The following NFYA variants were observed in gnomAD, a reference collection of about 807,000 sequenced individuals.
The protein encoded by NFYA is nuclear transcription factor Y subunit alpha.
A neutral mutation model predicts 52.8 loss-of-function variants in NFYA; 28 were observed. The ratio of observed to expected loss-of-function variants is 0.53; its 90% confidence interval spans 0.39 to 0.73. The LOEUF (loss-of-function observed/expected upper bound fraction) is 0.73, where lower values mean the gene tolerates loss of function less well. Ranked by LOEUF, NFYA falls within the 30% of genes least tolerant of loss-of-function variation. NFYA has a pLI of 0.00. For missense variants in NFYA, 234 were observed against 427.0 expected, an observed-to-expected ratio of 0.55 and a Z score of 3.98; for synonymous variants, 150 against 150.7, an observed-to-expected ratio of 1.00 and a Z score of 0.03.
At position 41,098,805 on chromosome 6, in the gene NFYA, T is replaced by TC. The variant is rs1397259402; in HGVS notation, c.*1396dup. The TC allele has an allele frequency of 1.3e-5, 2 of 152,662 alleles. No individual in the cohort carries two copies. The highest frequency in any genetic ancestry group is 2.9e-5 in the Non-Finnish European group (2 of 68,062). 9.5% of individuals were successfully genotyped at this position (152,662 alleles called of 1,614,324 possible). A position where few individuals can be genotyped will look rare whatever the true frequency, so the allele number is the denominator to read the frequency against. On this transcript the variant is annotated 3_prime_UTR_variant, in exon 10 of 10. Transcript: ENST00000341376. The stretch of plus-strand genomic sequence containing the variant: ...GACTGAAAGAAACATGCCTGCAGGG[T>TC]CAGGAACTGGGCCACTGTTCCCAGA...
At position 41,101,645 on chromosome 6, in the gene NFYA, T is replaced by C. The variant is rs1398108309; in HGVS notation, c.*4235T>C. ...AAATACTTACTCTGTGTCAGGGATA[T>C]GAAGATGGGTAATACCAGGTGCCTG... On this transcript the variant is annotated 3_prime_UTR_variant, in exon 10 of 10. Coordinates refer to ENST00000341376, the MANE Select transcript of NFYA (RefSeq NM_002505.5). Among the ~76,000 whole-genome samples, 1 of 152,202 alleles carries C rather than the reference T, an allele frequency of 6.6e-6. No homozygotes were observed. Among genetic ancestry groups the C allele is most frequent in the East Asian group, 1.9e-4 (1 of 5,186 alleles).
At chr6:41,093,471 CTT>C (rs769282285) in intron 8 of NFYA, among the ~76,000 whole-genome samples, 3 of 142,580 alleles carry the variant, frequency 2.1e-5, no homozygotes, top group Admixed American at 7.0e-5. Flanking sequence ...GGTACCCTTT[CTT>C]TTTTTTTTTT....
intron 4 of NFYA, among the ~76,000 whole-genome samples, chr6:41,088,423 CAAAAA>C (rs34590854): frequency 4.6e-5 from 3 of 64,710 alleles, no homozygotes; most frequent in Non-Finnish European, 3.0e-5. Context: ...ACTCCGTCTC[CAAAAA>C]AAAAAAAAAA....
intron 4 of NFYA, among the ~76,000 whole-genome samples, chr6:41,084,657 A>C (rs906133306): frequency 6.6e-6 from 1 of 152,218 alleles, no homozygotes; most frequent in Non-Finnish European, 1.5e-5. Context: ...AAAGTAAGCA[A>C]AGATGTAGAA....
chr6:41,086,612 A>C (rs1290309632), intron 4 of NFYA, among the ~76,000 whole-genome samples: 1 of 152,118 alleles, frequency 6.6e-6, no homozygotes, highest in Non-Finnish European at 1.5e-5. Flanking sequence ...TTAGAATCCT[A>C]GTAAAGCTTG....
intron 4 of NFYA, among the ~76,000 whole-genome samples, chr6:41,088,269 A>G (rs1210904641): frequency 6.6e-6 from 1 of 151,646 alleles, no homozygotes; most frequent in African/African-American, 2.4e-5. Flanking sequence ...AGACAAAAAA[A>G]AAATTAAGCC....
Position 41,101,696 on chromosome 6 carries a change from G to A in NFYA, c.*4286G>A, listed in dbSNP as rs1764505732. Among the ~76,000 whole-genome samples the A allele has an allele frequency of 6.6e-6, 1 of 152,100 alleles. No individual in the cohort carries two copies. The highest frequency in any genetic ancestry group is 2.4e-5 in the African/African-American group (1 of 41,416). On this transcript the variant is annotated 3_prime_UTR_variant, in exon 10 of 10. Coordinates refer to ENST00000341376, the MANE Select transcript of NFYA (RefSeq NM_002505.5). Reference sequence around the variant, plus strand: ...TCCTCACTGTGTGAGTGGTTCTCTAGCCAGACATGAGGAGGGATCCTATTG... The same window carrying A: ...TCCTCACTGTGTGAGTGGTTCTCTAACCAGACATGAGGAGGGATCCTATTG...
rs1324848990 is a variant in NFYA at position 41,089,614 on chromosome 6, G to C, written c.345G>C (p.Gln115His). 2 of 1,612,522 alleles carry C rather than the reference G, an allele frequency of 1.2e-6. No homozygotes were observed. The highest frequency in any genetic ancestry group is 1.7e-5 in the Admixed American group (1 of 59,992). ...QLVPPGQIQIQGGQAVQVQGQ... is the reference protein window; with the variant it reads ...QLVPPGQIQIHGGQAVQVQGQ... The stretch of plus-strand genomic sequence containing the variant: ...TCCCACCTGGACAGATCCAGATCCA[G>C]GGTGGACAGGCTGTGCAGGTGCAGG... Residue 115 changes from glutamine to histidine, a missense_variant, in exon 5 of 10, where the codon CAG (glutamine) becomes CAC (histidine). Physicochemically the swap from Gln to His is conservative, Grantham distance 24 (BLOSUM62 0). This residue lies in a region of NFYA where 118 missense variants were observed against 182.4 expected (regional missense o/e 0.65). Coordinates refer to ENST00000341376, the MANE Select transcript of NFYA (RefSeq NM_002505.5).
chr6:41,097,319 G>A (rs745470122), intron 9 of NFYA, 38 bp from the exon 10 acceptor site: 23 of 1,608,024 alleles, frequency 1.4e-5, no homozygotes, highest in Non-Finnish European at 1.9e-5. Flanking sequence ...TGTTGCTTTT[G>A]CAAAGGACTT....
intron 1 of NFYA, among the ~76,000 whole-genome samples, chr6:41,077,388 T>C (rs1224401171): frequency 2.0e-5 from 3 of 152,210 alleles, no homozygotes; most frequent in Non-Finnish European, 4.4e-5. Flanking sequence ...TCAACCTCCC[T>C]CTTTCCTGTC....
intron 3 of NFYA, 60 bp downstream of exon 3, chr6:41,080,957 G>A: frequency 7.4e-7 from 1 of 1,357,958 alleles, no homozygotes; most frequent in Non-Finnish European, 1.1e-6. Flanking sequence ...CTCATGTCTG[G>A]TGCTGTTTGT....
In NFYA at chr6:41,073,041, T is replaced by G. The variant is rs1392729779; in HGVS notation, c.-105T>G. 2 of 154,486 alleles carry G rather than the reference T, an allele frequency of 1.3e-5. No homozygotes were observed. Among genetic ancestry groups the G allele is most frequent in the Non-Finnish European group, 2.9e-5 (2 of 68,828 alleles). The allele number at this position is 154,486 out of a possible 1,614,324, so 9.6% of individuals were successfully genotyped here. On this transcript the variant is annotated 5_prime_UTR_variant, in exon 1 of 10. Coordinates refer to ENST00000341376, the MANE Select transcript of NFYA (RefSeq NM_002505.5). ...CTGATTGGGTTTCGGAGTCCGGTAC[T>G]GGAGCCAATCAGCGCGGGCAGCGAA...
intron 1 of NFYA, among the ~76,000 whole-genome samples, chr6:41,076,126 C>T (rs1053223052): frequency 2.0e-5 from 3 of 152,098 alleles, no homozygotes; most frequent in Non-Finnish European, 2.9e-5. Context: ...AAATATCTGC[C>T]AGGCATGATG....
At chr6:41,078,117 C>A (rs1763790979) in intron 1 of NFYA, among the ~76,000 whole-genome samples, 1 of 152,106 alleles carries the variant, frequency 6.6e-6, no homozygotes, top group African/African-American at 2.4e-5. Context: ...ACTATAATTG[C>A]CTTACCAGAT....
In NFYA at chr6:41,100,280, A is replaced by T. The variant is rs376194099; in HGVS notation, c.*2870A>T. ...ATGAGGAAAATTAGCCGTTATCACA[A>T]AAACAGCCTTAAGTATTGTAGAATT... On this transcript the variant is annotated 3_prime_UTR_variant, in exon 10 of 10. Coordinates refer to ENST00000341376, the MANE Select transcript of NFYA (RefSeq NM_002505.5). Among the ~76,000 whole-genome samples the T allele has an allele frequency of 2.6e-5, 4 of 152,352 alleles. No individual in the cohort carries two copies. In the East Asian group the frequency reaches 7.7e-4, roughly 29 times the overall value.
In NFYA at chr6:41,080,796, T is replaced by C. The variant is rs1320357694; in HGVS notation, c.76-15T>C. On this transcript the variant is annotated splice_polypyrimidine_tract_variant and intron_variant, in intron 2 of 9. Transcript: ENST00000341376. The stretch of plus-strand genomic sequence containing the variant: ...TTCCTGACATATTTCAAGCTCTTCC[T>C]GTTCCTGTTCTCAGCAGCAGGGTGG... 1 of 1,608,234 alleles carries C rather than the reference T, an allele frequency of 6.2e-7. No homozygotes were observed. Among genetic ancestry groups the C allele is most frequent in the South Asian group, 1.1e-5 (1 of 90,942 alleles).
At chr6:41,080,137 C>G (rs1463439216) in intron 2 of NFYA, among the ~76,000 whole-genome samples, 3 of 152,008 alleles carry the variant, frequency 2.0e-5, no homozygotes, top group African/African-American at 4.8e-5. Flanking sequence ...TTAAAGCAGT[C>G]CAGTTGGGTA....
At chr6:41,081,180 A>G (rs183809736) in intron 3 of NFYA, among the ~76,000 whole-genome samples, 1 of 152,340 alleles carries the variant, frequency 6.6e-6, no homozygotes, top group East Asian at 1.9e-4. Context: ...AAATTCTTAT[A>G]AGTGACATTA....
At position 41,100,971 on chromosome 6, in the gene NFYA, G is replaced by A. The variant is rs1006633063; in HGVS notation, c.*3561G>A. On this transcript the variant is annotated 3_prime_UTR_variant, in exon 10 of 10. Coordinates refer to ENST00000341376, the MANE Select transcript of NFYA (RefSeq NM_002505.5). ...GGCCTCCAATAGAGCCTGCTAGGCG[G>A]ATTGGCTGCTACGCGGCTGGGCCCT... is the stretch of plus-strand genomic sequence containing the variant. 1 of 151,120 alleles carries A rather than the reference G, an allele frequency of 6.6e-6. No individual in the cohort carries two copies. The highest frequency in any genetic ancestry group is 1.5e-5 in the Non-Finnish European group (1 of 67,828). The allele number at this position is 151,120 out of a possible 1,614,324, so 9.4% of individuals were successfully genotyped here.
Sources: allele counts gnomAD v4.1 joint callset (sites outside exome capture counted in the v4.1 genomes callset), GRCh38; gene constraint gnomAD v4.1.1; regional missense constraint gnomAD v4.1.1; transcripts MANE v1.5; gene names NCBI Gene and HGNC (gene_info 2026-07-23, HGNC 2026-07-21).